Variants in TONSL observed in about 807,000 individuals in gnomAD.
TONSL encodes tonsoku-like protein.
A neutral mutation model predicts 147.1 loss-of-function variants in TONSL; 112 were observed. The ratio of observed to expected loss-of-function variants is 0.76; its 90% CI spans 0.65 to 0.89. The LOEUF is 0.89. TONSL is among the 40% of genes least tolerant of loss of function. TONSL has a pLI of 0.00. For missense variants in TONSL, 1,883 were observed against 1,864.6 expected (o/e 1.01, Z -0.18); for synonymous variants, 868 against 801.5 (o/e 1.08, Z -1.40).
Position 144,436,014 on chromosome 8 carries a change from C to G in TONSL, c.2419G>C (p.Gly807Arg). 6.4e-7 allele frequency: 1 copy of G among 1,552,828 alleles called. No individual in the cohort carries two copies. Among genetic ancestry groups the G allele is most frequent in the Non-Finnish European group, 8.7e-7 (1 of 1,152,420 alleles). ...CTGTGGCCCCGCGGTGGGCCAGGCC[C>G]CAGCCGGCTCTGAGCACTGCCCACA... ...RGVGSAQSRLGPGPPRGHSKA... is the reference protein window; with the variant it reads ...RGVGSAQSRLRPGPPRGHSKA... Residue 807 changes from glycine (G) to arginine (R), a missense_variant, in exon 17 of 26, where the codon GGG (glycine) becomes CGG (arginine). By Grantham distance (125) the Gly-to-Arg change is moderately radical (BLOSUM62 -2). Coordinates refer to ENST00000409379, the MANE Select transcript of TONSL (RefSeq NM_013432.5).
intron 13 of TONSL, among the ~76,000 whole-genome samples, chr8:144,437,948 G>A (rs1451015086): frequency 6.6e-6 from 1 of 152,176 alleles, no homozygotes. Context: ...TGTCACACAG[G>A]TTGGAGTGCA....
At chr8:144,437,159 C>T (rs1823499791) in intron 13 of TONSL, 60 bp from the exon 14 acceptor site, 39 of 1,548,676 alleles carry the variant, frequency 2.5e-5, no homozygotes, top group South Asian at 4.6e-5. Flanking sequence ...GCCCCAGCCC[C>T]GTGAGCTCTG....
At position 144,440,043 on chromosome 8, in the gene TONSL, G is replaced by C; in HGVS notation, c.1458C>G (p.Gly486=). The change falls in exon 11 of 26, where the codon GGC becomes GGG. Residue 486 remains glycine (G), a synonymous_variant. Transcript: ENST00000409379. ...CACCGCCCTCTGAGAGCTCCACCTCGCCGGCCTCCAGGGCTTCGCTCTCCG... is the reference window on the plus strand; with the variant it reads ...CACCGCCCTCTGAGAGCTCCACCTCCCCGGCCTCCAGGGCTTCGCTCTCCG... ...ATAESEALEA[G]EVELSEGEDD... is the part of the protein sequence containing the mutation. The C allele has an allele frequency of 7.0e-7, 1 of 1,424,176 alleles. No homozygotes were observed. 88.2% of individuals were successfully genotyped at this position (1,424,176 alleles called of 1,614,324 possible).
intron 15 of TONSL, 25 bp from the exon 16 acceptor site, chr8:144,436,706 G>C (rs751878799): frequency 2.7e-5 from 44 of 1,611,400 alleles, no homozygotes; most frequent in Non-Finnish European, 1.7e-6. Flanking sequence ...TTGAGCAGGG[G>C]CACAGCAGCC....
intron 5 of TONSL, 42 bp from the exon 6 acceptor site, chr8:144,442,454 T>C (rs1186583024): frequency 2.0e-6 from 3 of 1,511,886 alleles, no homozygotes; most frequent in African/African-American, 1.4e-5. Flanking sequence ...GGAGTGTCCA[T>C]GACAGCTGCT....
intron 18 of TONSL, 81 bp from the exon 19 acceptor site, chr8:144,435,251 C>T: frequency 7.0e-7 from 1 of 1,428,628 alleles, no homozygotes; most frequent in Non-Finnish European, 9.2e-7. Context: ...CTGCCCAGGG[C>T]CAGAAGCCCC....
chr8:144,439,997 A>G (rs1423122289), intron 11 of TONSL, 24 bp downstream of exon 11: 8 of 940,452 alleles, frequency 8.5e-6, no homozygotes, highest in African/African-American at 1.6e-5. Context: ...GCCCAGGGAA[A>G]TGCAAGGTGC....
chr8:144,434,232 G>A lies in TONSL; in HGVS notation c.3133C>T (p.Leu1045Phe). 1 of 1,540,104 alleles carries A rather than the reference G, an allele frequency of 6.5e-7. No homozygotes were observed. Among genetic ancestry groups the A allele is most frequent in the Non-Finnish European group, 8.8e-7 (1 of 1,141,306 alleles). The change falls in exon 21 of 26, where the codon CTC becomes TTC. Residue 1045 changes from leucine (L) to phenylalanine (F), a missense_variant. Transcript: ENST00000409379. Reference protein sequence around the residue: ...LQAVELQGLGLSFSACSLALD... With the variant: ...LQAVELQGLGFSFSACSLALD... ...GCCAGGGAGCAGGCGCTGAACGAGAGGCCCAAGCCCTGGAGCTCCACGGCC... is the reference window on the plus strand; with the variant it reads ...GCCAGGGAGCAGGCGCTGAACGAGAAGCCCAAGCCCTGGAGCTCCACGGCC...
In TONSL at chr8:144,432,455, C is replaced by G. The variant is rs1554878931; in HGVS notation, c.3565G>C (p.Glu1189Gln). The stretch of plus-strand genomic sequence containing the variant: ...GACAGGGACAGGGTCTTCAGGTGCT[C>G]AGCATCTGCACCGGGGCCAGAATCC... The part of the protein sequence containing the change: ...TALGSAFQDA[E>Q]HLKTLSLSYN... The change falls in exon 23 of 26, where the codon GAG becomes CAG. Residue 1189 changes from glutamate (E) to glutamine (Q), a missense_variant. Transcript: ENST00000409379. 1 of 1,541,102 alleles carries G rather than the reference C, an allele frequency of 6.5e-7. No homozygotes were observed. The highest frequency in any genetic ancestry group is 1.2e-5 in the South Asian group (1 of 80,440).
At chr8:144,443,802 G>C (rs938605829) in intron 3 of TONSL, 80 bp downstream of exon 3, 29 of 1,513,284 alleles carry the variant, frequency 1.9e-5, no homozygotes, top group Non-Finnish European at 2.6e-5. Context: ...GGCTCCTGAC[G>C]GCGAAGACCA....
At chr8:144,433,405 T>C in intron 22 of TONSL, 183 bp downstream of exon 22, 1 of 631,550 alleles carries the variant, frequency 1.6e-6, no homozygotes, top group Non-Finnish European at 2.7e-6. Context: ...GGATGGGGTC[T>C]CACTATGTGG....
Position 144,443,134 on chromosome 8 carries a change from C to T in TONSL, c.448+4G>A. 6.5e-7 allele frequency: 1 copy of T among 1,549,574 alleles called. No homozygotes were observed. The stretch of plus-strand genomic sequence containing the variant: ...AGGCAGAAAACGCGGAGGGGTCTGC[C>T]CACCCTCCAGCTCCTCATCCACAAT... On this transcript the variant is annotated splice_donor_region_variant and intron_variant, in intron 4 of 25. Coordinates refer to ENST00000409379, the MANE Select transcript of TONSL (RefSeq NM_013432.5).
Position 144,436,902 on chromosome 8 carries a change from A to G in TONSL, c.1745T>C (p.Leu582Pro). 2 of 1,608,728 alleles carry G rather than the reference A, an allele frequency of 1.2e-6. No individual in the cohort carries two copies. The highest frequency in any genetic ancestry group is 1.7e-6 in the Non-Finnish European group (2 of 1,179,174). The part of the protein sequence containing the change: ...YGHLEIVRFL[L>P]DHGAAVDDPG... The stretch of plus-strand genomic sequence containing the variant: ...GTCGTCCACTGCGGCCCCGTGGTCC[A>G]GCAGGAAGCGGACAATTTCTGCAGA... The change falls in exon 15 of 26, where the codon CTG becomes CCG. Residue 582 changes from leucine (L) to proline (P), a missense_variant. Transcript: ENST00000409379.
At position 144,443,162 on chromosome 8, in the gene TONSL, C is replaced by T. The variant is rs1183083006; in HGVS notation, c.424G>A (p.Ala142Thr). 2.6e-6 allele frequency: 4 copies of T among 1,550,652 alleles called. No individual in the cohort carries two copies. The highest frequency in any genetic ancestry group is 4.9e-5 in the East Asian group (2 of 40,934). ...CCCTCCAGCTCCTCATCCACAATAG[C>T]CAAGCTCTTCTCAAAGGCAGCCTGT... ...QAQAAFEKSL[A>T]IVDEELEGTL... Residue 142 changes from alanine to threonine, a missense_variant, in exon 4 of 26, where the codon GCT becomes ACT. By Grantham distance (58) the Ala-to-Thr change is moderately conservative (BLOSUM62 0). Coordinates refer to ENST00000409379, the MANE Select transcript of TONSL (RefSeq NM_013432.5).
In TONSL at chr8:144,442,165, G is replaced by C; in HGVS notation, c.751-14C>G. The stretch of plus-strand genomic sequence containing the variant: ...GTCTTGGAGGACCTGGAGAGCAAAG[G>C]ACAGCAAAGGTTTTGCAGAATCCCC... On this transcript the variant is annotated splice_polypyrimidine_tract_variant and intron_variant, in intron 6 of 25. Coordinates refer to ENST00000409379, the MANE Select transcript of TONSL (RefSeq NM_013432.5). 6.2e-7 allele frequency: 1 copy of C among 1,606,304 alleles called. No individual in the cohort carries two copies. The highest frequency in any genetic ancestry group is 8.5e-7 in the Non-Finnish European group (1 of 1,175,926).
intron 25 of TONSL, 52 bp downstream of exon 25, chr8:144,430,352 G>A: frequency 2.0e-6 from 3 of 1,495,158 alleles, no homozygotes; most frequent in Non-Finnish European, 2.7e-6. Flanking sequence ...GTCTCAGGCA[G>A]GTCCCTGAAA....
rs774791755 is a variant in TONSL at position 144,435,905 on chromosome 8, G to T, written c.2528C>A (p.Thr843Asn). 4 of 1,593,368 alleles carry T rather than the reference G, an allele frequency of 2.5e-6. No individual in the cohort carries two copies. Among genetic ancestry groups the T allele is most frequent in the Non-Finnish European group, 3.4e-6 (4 of 1,167,062 alleles). The change falls in exon 17 of 26, where the codon ACC becomes AAC. Residue 843 changes from threonine to asparagine, a missense_variant. Coordinates refer to ENST00000409379, the MANE Select transcript of TONSL (RefSeq NM_013432.5). Reference protein sequence around the residue: ...GDWLELDMPLTRSRRPRPRGT... With the variant: ...GDWLELDMPLNRSRRPRPRGT... ...CCGGGGGCGGGGCCGGCGGCTGCGG[G>T]TCAGGGGCATGTCCAGCTCCAGCCA...
chr8:144,440,274 G>A, intron 10 of TONSL, 64 bp from the exon 11 acceptor site: 1 of 1,554,420 alleles, frequency 6.4e-7, no homozygotes, highest in African/African-American at 1.4e-5. Flanking sequence ...AGATGGGGAT[G>A]GGGCACAAGG....
chr8:144,435,415 G>A lies in TONSL; in HGVS notation c.2852+59C>T, dbSNP rs546270718. 29 of 1,423,338 alleles carry A rather than the reference G, an allele frequency of 2.0e-5. No homozygotes were observed. In the Middle Eastern group the frequency reaches 5.6e-4, roughly 28 times the overall value. The allele number at this position is 1,423,338 out of a possible 1,614,324, so 88.2% of individuals were successfully genotyped here. ...ACGCCCCACCCTGACATGCAAACACGAGCACCCTGGCATGGAGCTGCACAG... is the reference window on the plus strand; with the variant it reads ...ACGCCCCACCCTGACATGCAAACACAAGCACCCTGGCATGGAGCTGCACAG... On this transcript the variant is annotated intron_variant, in intron 18 of 25. Transcript: ENST00000409379.
Sources: allele counts gnomAD v4.1 joint callset (sites outside exome capture counted in the v4.1 genomes callset), GRCh38; gene constraint gnomAD v4.1.1; transcripts MANE v1.5; gene names NCBI Gene and HGNC (gene_info 2026-07-23, HGNC 2026-07-21).